Variants in MAP2 observed in about 807,000 individuals in gnomAD.
MAP2 encodes the protein microtubule-associated protein 2.
In MAP2, 14 loss-of-function variants were observed where a neutral mutation model predicts 137.6. The ratio of observed to expected loss-of-function variants is 0.10; its 90% CI spans 0.07 to 0.16. MAP2 has a LOEUF of 0.16. MAP2 is among the 10% of genes least tolerant of loss of function. MAP2 has a pLI of 1.00. For synonymous variants in MAP2, 786 were observed against 782.3 expected (o/e 1.00, Z -0.08); for missense variants, 2,088 against 2,191.5 (o/e 0.95, Z 0.94).
chr2:209,710,390 GACTTTAC>G, intron 13 of MAP2, 136 bp downstream of exon 13: 1 of 746,890 alleles, frequency 1.3e-6, no homozygotes, highest in Non-Finnish European at 2.1e-6. Context: ...TAAGAGTTTG[GACTTTAC>G]ATTAGGAAGA....
chr2:209,468,510 C>T (rs535570969), intron 1 of MAP2, among the ~76,000 whole-genome samples: 4 of 151,376 alleles, frequency 2.6e-5, no homozygotes, highest in African/African-American at 7.3e-5. Flanking sequence ...TTAGTACAGA[C>T]GAGGTTTCAC....
At chr2:209,496,929 A>G (rs1360682417) in intron 1 of MAP2, among the ~76,000 whole-genome samples, 3 of 151,274 alleles carry the variant, frequency 2.0e-5, no homozygotes, top group East Asian at 2.0e-4. Flanking sequence ...ACAGGTGTGC[A>G]CTACCATGCC....
intron 4 of MAP2, among the ~76,000 whole-genome samples, chr2:209,634,935 A>G (rs2093424026): frequency 6.6e-6 from 1 of 152,148 alleles, no homozygotes. Context: ...CACAAAAAAT[A>G]AAAATAAAAA....
intron 10 of MAP2, among the ~76,000 whole-genome samples, 153 bp downstream of exon 10, chr2:209,697,204 C>T (rs1559602582): frequency 6.6e-6 from 1 of 151,696 alleles, no homozygotes; most frequent in African/African-American, 2.4e-5. Flanking sequence ...TATCATTATT[C>T]TTTTTTCCCC....
At chr2:209,714,006 A>C (rs1175292272) in intron 13 of MAP2, among the ~76,000 whole-genome samples, 1 of 151,878 alleles carries the variant, frequency 6.6e-6, no homozygotes, top group Non-Finnish European at 1.5e-5. Context: ...AGCCTGGCCA[A>C]CATGGTGAAA....
intron 5 of MAP2, among the ~76,000 whole-genome samples, chr2:209,675,209 G>A (rs1245330308): frequency 6.6e-6 from 1 of 151,592 alleles, no homozygotes; most frequent in East Asian, 1.9e-4. Flanking sequence ...CTTCAAAGAA[G>A]AAAAAATTTA....
intron 1 of MAP2, among the ~76,000 whole-genome samples, chr2:209,430,969 A>G (rs1694108708): frequency 6.6e-6 from 1 of 151,946 alleles, no homozygotes; most frequent in African/African-American, 2.4e-5. Context: ...AGATTATTTC[A>G]GAGCACTGAG....
At chr2:209,555,659 A>G (rs78034497) in intron 2 of MAP2, among the ~76,000 whole-genome samples, 1 of 152,146 alleles carries the variant, frequency 6.6e-6, no homozygotes, top group South Asian at 2.1e-4. Flanking sequence ...TATTTCTTTT[A>G]TTTATCCATT....
chr2:209,696,638 G>A lies in MAP2; in HGVS notation c.4277G>A (p.Arg1426Lys). The change falls in exon 9 of 16, where the codon AGA (arginine) becomes AAA (lysine). Residue 1426 changes from arginine (R) to lysine (K), a missense_variant. Arg to Lys is a conservative substitution (Grantham distance 26, BLOSUM62 2). This residue lies in a region of MAP2 where 591 missense variants were observed against 642.6 expected (regional missense o/e 0.92). Transcript: ENST00000682079. ...EARRSSLEKH[R>K]KEKPFKTGRG... ...CGGAGATCATCTCTTGAGAAACATA[G>A]AAAAGAAAAGCCTTTTAAAACCGGG... 6.2e-7 allele frequency: 1 copy of A among 1,613,690 alleles called. No homozygotes were observed. The highest frequency in any genetic ancestry group is 8.5e-7 in the Non-Finnish European group (1 of 1,179,848).
chr2:209,698,007 ATT>A (rs35758041), intron 10 of MAP2, among the ~76,000 whole-genome samples: 193 of 144,614 alleles, frequency 1.3e-3, no homozygotes, highest in Middle Eastern at 7.1e-3. Flanking sequence ...CACCCAGCTA[ATT>A]TTTTTTTTTT....
chr2:209,530,625 T>C (rs1250971162), intron 2 of MAP2, among the ~76,000 whole-genome samples: 2 of 152,222 alleles, frequency 1.3e-5, no homozygotes, highest in African/African-American at 4.8e-5. Flanking sequence ...TCAGCTTGAA[T>C]TAAATCATAA....
intron 14 of MAP2, among the ~76,000 whole-genome samples, chr2:209,726,927 A>G (rs965979174): frequency 6.6e-6 from 1 of 152,254 alleles, no homozygotes; most frequent in Non-Finnish European, 1.5e-5. Context: ...AAACAAAGTA[A>G]TAGGTTTTTT....
intron 3 of MAP2, among the ~76,000 whole-genome samples, chr2:209,598,983 A>C (rs894258427): frequency 6.6e-6 from 1 of 152,034 alleles, no homozygotes. Context: ...TGGCTGGGTC[A>C]AATGATATTT....
intron 1 of MAP2, among the ~76,000 whole-genome samples, chr2:209,462,452 G>A (rs569082218): frequency 4.6e-5 from 7 of 152,140 alleles, no homozygotes; most frequent in Non-Finnish European, 1.0e-4. Flanking sequence ...AAAATACTTA[G>A]TTATTCCAAT....
chr2:209,429,702 A>C (rs537895041), intron 1 of MAP2, among the ~76,000 whole-genome samples: 2 of 152,278 alleles, frequency 1.3e-5, no homozygotes. Context: ...GTAAATATAC[A>C]AACTGACTCT....
chr2:209,533,536 C>T lies in MAP2; in HGVS notation c.-172+25895C>T, dbSNP rs375414573. On this transcript the variant is annotated intron_variant, in intron 2 of 15. Coordinates refer to ENST00000682079, the MANE Select transcript of MAP2 (RefSeq NM_001375505.1). Reference sequence around the variant, plus strand: ...AAGAAACAGAAAGAAATACAGATCCCGTGATTCTACATCCAGATGCAGCTA... The same window carrying T: ...AAGAAACAGAAAGAAATACAGATCCTGTGATTCTACATCCAGATGCAGCTA... Among the ~76,000 whole-genome samples, 44 of 152,314 alleles carry T rather than the reference C, an allele frequency of 2.9e-4. No individual in the cohort carries two copies. In the South Asian group the frequency reaches 8.5e-3, roughly 29 times the overall value.
chr2:209,443,388 ATTTG>A (rs1698292935), intron 1 of MAP2, among the ~76,000 whole-genome samples: 1 of 151,680 alleles, frequency 6.6e-6, no homozygotes, highest in Non-Finnish European at 1.5e-5. Flanking sequence ...CTGAATAATT[ATTTG>A]TTTAACCAAA....
In MAP2 at chr2:209,733,448, T is replaced by C. The variant is rs1187577221; in HGVS notation, c.*3051T>C. 9.0e-6 allele frequency: 1 copy of C among 110,766 alleles called. No homozygotes were observed. Among genetic ancestry groups the C allele is most frequent in the African/African-American group, 3.7e-5 (1 of 27,250 alleles). The allele number at this position is 110,766 out of a possible 1,614,324, so 6.9% of individuals were successfully genotyped here. On this transcript the variant is annotated 3_prime_UTR_variant, in exon 16 of 16. Transcript: ENST00000682079. ...ATTAAATGGAAGAATGTACTGATTG[T>C]AGTGACCTTCTCCACACACACACAC...
intron 4 of MAP2, among the ~76,000 whole-genome samples, chr2:209,631,005 CAAAAAAAAAA>C (rs776266690): frequency 4.9e-3 from 206 of 42,126 alleles, no homozygotes; most frequent in African/African-American, 0.011. Context: ...GAGCTACAAG[CAAAAAAAAAA>C]AAAAAAAAAA....
Sources: gnomAD v4.1 joint callset for allele counts (sites outside exome capture counted in the v4.1 genomes callset) on GRCh38, gnomAD v4.1.1 for gene constraint, gnomAD v4.1.1 regional missense constraint, MANE v1.5 for transcripts, NCBI Gene and HGNC (gene_info 2026-07-23, HGNC 2026-07-21) for gene names.